The following TSGA10 variants were observed in gnomAD, a reference collection of about 807,000 sequenced individuals.
TSGA10 encodes the protein testis-specific gene 10 protein.
A neutral mutation model predicts 96.6 loss-of-function variants in TSGA10; 43 were observed. That is an observed-to-expected ratio of 0.44 (90% CI 0.35 to 0.57). The LOEUF is 0.57. TSGA10 is among the 20% of genes least tolerant of loss of function. The pLI is 0.01. For missense variants in TSGA10, 703 were observed against 834.4 expected (o/e 0.84, Z 1.94); for synonymous variants, 229 against 269.9 (o/e 0.85, Z 1.48).
In TSGA10 at chr2:99,143,647, G is replaced by A. The variant is rs116528598; in HGVS notation, c.-621+11046C>T. Among the ~76,000 whole-genome samples, 498 of 151,410 alleles carry A rather than the reference G, an allele frequency of 3.3e-3. 4 individuals are homozygous for A. The highest frequency in any genetic ancestry group is 0.012 in the African/African-American group (477 of 41,246). On this transcript the variant is annotated intron_variant, in intron 1 of 20. Coordinates refer to ENST00000393483, the MANE Select transcript of TSGA10 (RefSeq NM_025244.4). ...CACCATGCCCAGCTAATTTTTGTAT[G>A]TTTTTGTAGAGATGCGGTTTCACCA...
intron 2 of TSGA10, chr2:99,124,953 T>C (rs1032166162): frequency 2.0e-5 from 3 of 152,210 alleles, no homozygotes; most frequent in Non-Finnish European, 4.4e-5. Context: ...TTATTCATTC[T>C]GTGAGTTTTG....
At chr2:99,046,831 C>T (rs1467033450) in intron 16 of TSGA10, among the ~76,000 whole-genome samples, 1 of 151,930 alleles carries the variant, frequency 6.6e-6, no homozygotes, top group African/African-American at 2.4e-5. Flanking sequence ...ACTAGCAAGA[C>T]TAATAAAGAA....
intron 20 of TSGA10, among the ~76,000 whole-genome samples, chr2:99,014,793 A>T (rs1333424817): frequency 1.3e-5 from 2 of 152,324 alleles, no homozygotes; most frequent in South Asian, 2.1e-4. Context: ...CTCAATGAGA[A>T]ATGAAACAGG....
At chr2:99,102,691 T>C (rs1487769844) in intron 10 of TSGA10, 19 of 1,613,298 alleles carry the variant, frequency 1.2e-5, no homozygotes, top group African/African-American at 2.7e-5. Context: ...GTTAGTCATA[T>C]TGATGTGATC....
At chr2:99,135,249 G>T (rs987579200) in intron 1 of TSGA10, among the ~76,000 whole-genome samples, 1 of 152,210 alleles carries the variant, frequency 6.6e-6, no homozygotes, top group Non-Finnish European at 1.5e-5. Flanking sequence ...CCCTGACTGG[G>T]GCTGCTGCCT....
At chr2:99,089,242 C>A (rs1318331005) in intron 10 of TSGA10, among the ~76,000 whole-genome samples, 1 of 152,176 alleles carries the variant, frequency 6.6e-6, no homozygotes, top group Non-Finnish European at 1.5e-5. Flanking sequence ...GCGGGAAGAG[C>A]CCTGTGGGCT....
intron 4 of TSGA10, among the ~76,000 whole-genome samples, chr2:99,111,823 G>T (rs1197053420): frequency 6.6e-6 from 1 of 151,994 alleles, no homozygotes; most frequent in Non-Finnish European, 1.5e-5. Context: ...AAAGATACAG[G>T]TCTACTCTGA....
intron 12 of TSGA10, 46 bp downstream of exon 12, chr2:99,078,613 C>T (rs535665816): frequency 2.0e-6 from 3 of 1,532,002 alleles, no homozygotes; most frequent in African/African-American, 1.4e-5. Context: ...TAACATTTAA[C>T]ATTTCATTTA....
chr2:99,007,793 C>T (rs1270992952), intron 20 of TSGA10, among the ~76,000 whole-genome samples: 1 of 152,170 alleles, frequency 6.6e-6, no homozygotes, highest in African/African-American at 2.4e-5. Context: ...AGATCAGGGC[C>T]TCCCCCTCCT....
In TSGA10 at chr2:98,997,543, C is replaced by A. The variant is rs2104753358; in HGVS notation, c.*654G>T. On this transcript the variant is annotated 3_prime_UTR_variant, in exon 21 of 21. Coordinates refer to ENST00000393483, the MANE Select transcript of TSGA10 (RefSeq NM_025244.4). ...AATAAAGATTTTTAATAAAATCTTA[C>A]ATTCTTGACAGATATACCATCACCT... The A allele has an allele frequency of 6.6e-6, 1 of 152,228 alleles. No individual in the cohort carries two copies. Among genetic ancestry groups the A allele is most frequent in the South Asian group, 2.1e-4 (1 of 4,828 alleles). 9.4% of individuals were successfully genotyped at this position (152,228 alleles called of 1,614,324 possible). A position where few individuals can be genotyped will look rare whatever the true frequency, so the allele number is the denominator to read the frequency against.
chr2:99,113,712 G>A (rs1485551165), intron 4 of TSGA10, among the ~76,000 whole-genome samples: 20 of 148,254 alleles, frequency 1.3e-4, no homozygotes, highest in Non-Finnish European at 2.1e-4. Flanking sequence ...TGCCCAGCTA[G>A]TTTTTTGTAT....
chr2:99,115,860 C>T lies in TSGA10; in HGVS notation c.-140+1684G>A, dbSNP rs143274505. On this transcript the variant is annotated intron_variant, in intron 4 of 20. Coordinates refer to ENST00000393483, the MANE Select transcript of TSGA10 (RefSeq NM_025244.4). ...CGCCACTGCACTCCAGCCTGGGTGACAGACGGAAACTCTGTCTCAACAACA... is the reference window on the plus strand; with the variant it reads ...CGCCACTGCACTCCAGCCTGGGTGATAGACGGAAACTCTGTCTCAACAACA... 6.6e-5 allele frequency among the ~76,000 whole-genome samples: 10 copies of T among 152,264 alleles called. No individual in the cohort carries two copies. The East Asian group carries it at 1.9e-3, about 29-fold the overall frequency.
At chr2:99,018,827 C>T (rs1277521165) in intron 18 of TSGA10, among the ~76,000 whole-genome samples, 187 bp from the exon 19 acceptor site, 2 of 152,116 alleles carry the variant, frequency 1.3e-5, no homozygotes, top group Admixed American at 6.6e-5. Context: ...GCAGAGTAGC[C>T]TACTTGAAAA....
chr2:99,031,187 T>C (rs1480297883), intron 17 of TSGA10, among the ~76,000 whole-genome samples: 1 of 142,380 alleles, frequency 7.0e-6, no homozygotes, highest in Non-Finnish European at 1.5e-5. Flanking sequence ...CCCACACAAA[T>C]ATACCCAATT....
intron 20 of TSGA10, among the ~76,000 whole-genome samples, chr2:99,002,858 C>A (rs1466915085): frequency 6.6e-6 from 1 of 151,180 alleles, no homozygotes; most frequent in Non-Finnish European, 1.5e-5. Flanking sequence ...TCTGATAAAA[C>A]AAACTTTTTT....
intron 1 of TSGA10, among the ~76,000 whole-genome samples, chr2:99,137,644 G>C (rs758651613): frequency 1.3e-5 from 2 of 151,886 alleles, no homozygotes; most frequent in Non-Finnish European, 2.9e-5. Flanking sequence ...TCAGTGTGGA[G>C]AATAGGTTGT....
intron 17 of TSGA10, among the ~76,000 whole-genome samples, chr2:99,027,288 A>G (rs1482767543): frequency 6.6e-6 from 1 of 152,228 alleles, no homozygotes; most frequent in Non-Finnish European, 1.5e-5. Flanking sequence ...GCTAAATGAA[A>G]TAAGCCAGGC....
At chr2:99,137,242 G>A (rs145290476) in intron 1 of TSGA10, among the ~76,000 whole-genome samples, 302 of 152,208 alleles carry the variant, frequency 2.0e-3, no homozygotes, top group African/African-American at 6.6e-3. Flanking sequence ...TGATCCACCC[G>A]CCTCAGCCTC....
chr2:99,087,284 A>G (rs1185814216), intron 10 of TSGA10, among the ~76,000 whole-genome samples: 14 of 152,128 alleles, frequency 9.2e-5, no homozygotes. Context: ...AGGCAGGCAG[A>G]TCACCTGCAG....
Sources: allele counts gnomAD v4.1 joint callset (sites outside exome capture counted in the v4.1 genomes callset), GRCh38; gene constraint gnomAD v4.1.1; transcripts MANE v1.5; gene names NCBI Gene and HGNC (gene_info 2026-07-23, HGNC 2026-07-21).